The following DCC variants were observed in gnomAD, a reference collection of about 807,000 sequenced individuals.
The protein encoded by DCC is DCC netrin 1 receptor.
In DCC, 58 loss-of-function variants were observed where a neutral mutation model predicts 172.5. The observed-to-expected ratio is 0.34, with a 90% CI of 0.27 to 0.42. The LOEUF (loss-of-function observed/expected upper bound fraction) is 0.42, where lower values mean the gene tolerates loss of function less well. DCC is among the 10% of genes least tolerant of loss of function. The pLI is 1.00. For missense variants in DCC, 1,740 were observed against 1,791.0 expected (o/e 0.97, Z 0.51); for synonymous variants, 709 against 644.5 (o/e 1.10, Z -1.52).
intron 14 of DCC, among the ~76,000 whole-genome samples, chr18:53,328,683 C>T (rs2057495811): frequency 6.6e-6 from 1 of 152,054 alleles, no homozygotes; most frequent in Admixed American, 6.6e-5. Flanking sequence ...TACAGGCATC[C>T]ACCACCATGC....
At chr18:53,205,171 T>G (rs1029461218) in intron 9 of DCC, 45 bp from the exon 10 acceptor site, 4 of 1,532,222 alleles carry the variant, frequency 2.6e-6, no homozygotes, top group Non-Finnish European at 3.6e-6. Flanking sequence ...AAAACCCACT[T>G]ATCCTAATCA....
chr18:52,418,312 T>C (rs1987118260), intron 1 of DCC, among the ~76,000 whole-genome samples: 1 of 152,178 alleles, frequency 6.6e-6, no homozygotes, highest in Non-Finnish European at 1.5e-5. Flanking sequence ...GTAAAAGCCA[T>C]GTAATCTCAT....
At chr18:52,694,297 T>C (rs894054124) in intron 1 of DCC, among the ~76,000 whole-genome samples, 1 of 152,006 alleles carries the variant, frequency 6.6e-6, no homozygotes, top group Admixed American at 6.6e-5. Flanking sequence ...TAAAAAGATA[T>C]GATGATGGGA....
chr18:52,572,196 G>A (rs933782008), intron 1 of DCC, among the ~76,000 whole-genome samples: 34 of 152,072 alleles, frequency 2.2e-4, no homozygotes, highest in Non-Finnish European at 2.9e-5. Context: ...AGCGCCTGCT[G>A]GCAATAAACA....
intron 4 of DCC, 143 bp downstream of exon 4, chr18:52,924,000 A>T (rs2040163177): frequency 4.3e-6 from 3 of 703,384 alleles, no homozygotes; most frequent in Admixed American, 4.4e-5. Flanking sequence ...TCTTGGCATG[A>T]TACAGTTATA....
chr18:52,899,160 A>AT (rs750794662), intron 2 of DCC, among the ~76,000 whole-genome samples: 15 of 151,560 alleles, frequency 9.9e-5, no homozygotes, highest in Admixed American at 3.3e-4. Context: ...TTATTTATTT[A>AT]TTTTTTAAAG....
chr18:53,171,105 G>A (rs777433964), intron 8 of DCC, among the ~76,000 whole-genome samples: 47 of 152,128 alleles, frequency 3.1e-4, no homozygotes, highest in Non-Finnish European at 5.7e-4. Flanking sequence ...GGCTGGTCTC[G>A]AACTCCTGAC....
intron 19 of DCC, among the ~76,000 whole-genome samples, chr18:53,403,997 T>G (rs1421084797): frequency 1.3e-5 from 2 of 152,148 alleles, no homozygotes; most frequent in African/African-American, 4.8e-5. Context: ...GGCACAAAAT[T>G]TCCCCAAGAT....
intron 15 of DCC, among the ~76,000 whole-genome samples, chr18:53,358,361 T>C (rs1016083689): frequency 8.6e-5 from 13 of 152,006 alleles, no homozygotes; most frequent in Non-Finnish European, 1.8e-4. Flanking sequence ...GGCAGTTGTT[T>C]ACTTACAAAA....
At chr18:52,855,082 G>T (rs58604490) in intron 2 of DCC, among the ~76,000 whole-genome samples, 1 of 152,078 alleles carries the variant, frequency 6.6e-6, no homozygotes, top group Admixed American at 6.5e-5. Context: ...GGGTGTCTTC[G>T]GCTTCTTGTA....
At chr18:53,351,303 A>ATATATATATACACTG (rs2057792079) in intron 15 of DCC, among the ~76,000 whole-genome samples, 2 of 29,852 alleles carry the variant, frequency 6.7e-5, no homozygotes, top group Non-Finnish European at 1.1e-4. Flanking sequence ...ATATATATAT[A>ATATATATATACACTG]TATATATATA....
chr18:52,467,381 CT>C (rs201625000), intron 1 of DCC, among the ~76,000 whole-genome samples: 31,191 of 151,954 alleles, frequency 0.21, 4,021 homozygotes, highest in Non-Finnish European at 0.29. Flanking sequence ...CGAACTCATC[CT>C]TTTTTTATGG....
At chr18:53,347,625 G>C (rs2057740288) in intron 15 of DCC, among the ~76,000 whole-genome samples, 1 of 152,094 alleles carries the variant, frequency 6.6e-6, no homozygotes. Flanking sequence ...ATATAACTTA[G>C]TTGCTATATT....
intron 5 of DCC, among the ~76,000 whole-genome samples, chr18:53,051,289 G>A (rs1252327268): frequency 6.6e-6 from 1 of 152,206 alleles, no homozygotes; most frequent in Admixed American, 6.5e-5. Flanking sequence ...TGAAGTCCCT[G>A]CTGAAAAAGA....
At chr18:53,105,711 G>A (rs148870027) in intron 7 of DCC, among the ~76,000 whole-genome samples, 23 of 151,816 alleles carry the variant, frequency 1.5e-4, no homozygotes, top group Middle Eastern at 3.4e-3. Context: ...CCCCTCCCAC[G>A]TGCATATCCC....
intron 2 of DCC, among the ~76,000 whole-genome samples, chr18:52,788,131 A>G (rs1168706281): frequency 1.3e-5 from 2 of 152,310 alleles, no homozygotes; most frequent in East Asian, 1.9e-4. Flanking sequence ...ATTAATTTTT[A>G]CAATCTTTTC....
chr18:52,623,927 A>C (rs1423044491), intron 1 of DCC, among the ~76,000 whole-genome samples: 2 of 152,208 alleles, frequency 1.3e-5, no homozygotes, highest in Non-Finnish European at 2.9e-5. Flanking sequence ...TATTGAATAC[A>C]CAGGGAAAGA....
In DCC at chr18:53,172,430, G is replaced by A. The variant is rs149822569; in HGVS notation, c.1419-6532G>A. On this transcript the variant is annotated intron_variant, in intron 8 of 28. Coordinates refer to ENST00000442544, the MANE Select transcript of DCC (RefSeq NM_005215.4). ...AACCACAGCATCACACAATATACCCGTGTAACACATTTTCACATGTACCCC... is the reference window on the plus strand; with the variant it reads ...AACCACAGCATCACACAATATACCCATGTAACACATTTTCACATGTACCCC... Among the ~76,000 whole-genome samples, 862 of 151,988 alleles carry A rather than the reference G, an allele frequency of 5.7e-3. 6 individuals carry two copies. The highest frequency in any genetic ancestry group is 0.023 in the Admixed American group (352 of 15,242).
At chr18:53,284,190 T>C (rs1339167563) in intron 12 of DCC, among the ~76,000 whole-genome samples, 1 of 152,178 alleles carries the variant, frequency 6.6e-6, no homozygotes, top group Non-Finnish European at 1.5e-5. Flanking sequence ...AGTTCTGTTA[T>C]GTAAGATCAC....
Sources: gnomAD v4.1 joint callset for allele counts (sites outside exome capture counted in the v4.1 genomes callset) on GRCh38, gnomAD v4.1.1 for gene constraint, MANE v1.5 for transcripts, NCBI Gene and HGNC (gene_info 2026-07-23, HGNC 2026-07-21) for gene names.